The following SHANK2 variants were observed in gnomAD, a reference collection of about 807,000 sequenced individuals.
The protein encoded by SHANK2 is SH3 and multiple ankyrin repeat domains 2, also known as SH3 and multiple ankyrin repeat domains protein 2.
Under a neutral mutation model 133.7 loss-of-function variants are expected in SHANK2, and 43 were observed. That is an observed-to-expected ratio of 0.32 (90% CI 0.25 to 0.41). The LOEUF (loss-of-function observed/expected upper bound fraction) is 0.41. Among genes scored for constraint, SHANK2 ranks in the 10% least tolerant of loss-of-function variants. SHANK2 has a pLI of 1.00. For synonymous variants in SHANK2, 1,017 were observed against 952.8 expected, an observed-to-expected ratio of 1.07 and a Z score of -1.24; for missense variants, 1,994 against 2,235.8, an observed-to-expected ratio of 0.89 and a Z score of 2.18.
intron 3 of SHANK2, among the ~76,000 whole-genome samples, chr11:71,136,567 TTACCTC>T (rs1555104810): frequency 6.6e-6 from 1 of 152,162 alleles, no homozygotes; most frequent in East Asian, 1.9e-4. Flanking sequence ...AGCCCACACT[TTACCTC>T]TATGCAACAT....
intron 10 of SHANK2, among the ~76,000 whole-genome samples, chr11:70,923,149 G>C (rs1353745059): frequency 3.3e-5 from 5 of 152,206 alleles, no homozygotes; most frequent in African/African-American, 4.8e-5. Context: ...GAAATTTGCA[G>C]TTGCATGGTC....
intron 10 of SHANK2, among the ~76,000 whole-genome samples, chr11:70,902,849 TG>T (rs1212220545): frequency 6.6e-6 from 1 of 152,210 alleles, no homozygotes; most frequent in Non-Finnish European, 1.5e-5. Flanking sequence ...CTGGGGGCTC[TG>T]CCCTTGGCAC....
chr11:70,634,412 A>G (rs1279117505), intron 17 of SHANK2: 2 of 152,250 alleles, frequency 1.3e-5, no homozygotes, highest in African/African-American at 4.8e-5. Context: ...AAAATTTAAA[A>G]CTTTTGTGCA....
At chr11:70,519,960 C>T (rs868919798) in intron 17 of SHANK2, among the ~76,000 whole-genome samples, 5 of 147,212 alleles carry the variant, frequency 3.4e-5, no homozygotes, top group African/African-American at 1.3e-4. Context: ...GTTGCCCAGG[C>T]TGGTCTCAAA....
intron 2 of SHANK2, among the ~76,000 whole-genome samples, chr11:71,206,648 C>T (rs944143460): frequency 6.6e-5 from 10 of 152,108 alleles, no homozygotes; most frequent in African/African-American, 1.9e-4. Context: ...ATAATAAAAA[C>T]GTCAAGGCTG....
At chr11:70,636,857 CATGTGTGAACAT>C (rs1251683253) in intron 17 of SHANK2, among the ~76,000 whole-genome samples, 1 of 151,808 alleles carries the variant, frequency 6.6e-6, no homozygotes, top group Non-Finnish European at 1.5e-5. Flanking sequence ...TGTATGTAAG[CATGTGTGAACAT>C]GTGTGTGCAC....
chr11:70,596,760 T>C (rs1267954392), intron 17 of SHANK2, among the ~76,000 whole-genome samples: 2 of 152,098 alleles, frequency 1.3e-5, no homozygotes, highest in Non-Finnish European at 2.9e-5. Context: ...TCACGGGCAC[T>C]TTGGTGGGGT....
At chr11:70,888,812 A>T (rs1949788344) in intron 11 of SHANK2, among the ~76,000 whole-genome samples, 1 of 146,480 alleles carries the variant, frequency 6.8e-6, no homozygotes, top group African/African-American at 2.7e-5. Flanking sequence ...GGGAGACGCC[A>T]TCTCAAAAAA....
intron 11 of SHANK2, among the ~76,000 whole-genome samples, chr11:70,891,637 A>G (rs1408748635): frequency 6.6e-6 from 1 of 152,166 alleles, no homozygotes; most frequent in Non-Finnish European, 1.5e-5. Flanking sequence ...CCAAGGTCTC[A>G]TAGTTGGAAT....
At chr11:70,594,258 C>T (rs530699119) in intron 17 of SHANK2, among the ~76,000 whole-genome samples, 27 of 152,300 alleles carry the variant, frequency 1.8e-4, no homozygotes, top group South Asian at 1.7e-3. Flanking sequence ...GGATGCTCAG[C>T]GACTTCATGC....
intron 17 of SHANK2, among the ~76,000 whole-genome samples, chr11:70,582,125 C>A (rs1554985617): frequency 6.6e-6 from 1 of 152,210 alleles, no homozygotes; most frequent in Non-Finnish European, 1.5e-5. Flanking sequence ...GCAGACAGAC[C>A]CAGGGCGGAG....
chr11:70,780,562 T>C (rs1217181464), intron 14 of SHANK2, among the ~76,000 whole-genome samples: 1 of 141,386 alleles, frequency 7.1e-6, no homozygotes, highest in Non-Finnish European at 1.5e-5. Context: ...AAAACTGTTT[T>C]TCCCTGGTAA....
At chr11:70,727,932 C>T (rs368165788) in intron 14 of SHANK2, among the ~76,000 whole-genome samples, 1 of 152,162 alleles carries the variant, frequency 6.6e-6, no homozygotes, top group African/African-American at 2.4e-5. Flanking sequence ...ACAAAGGAGG[C>T]GAGAGGTGTT....
intron 3 of SHANK2, among the ~76,000 whole-genome samples, chr11:71,141,197 A>G (rs1168465167): frequency 6.6e-6 from 1 of 152,164 alleles, no homozygotes; most frequent in Non-Finnish European, 1.5e-5. Context: ...CGGGTGTGTT[A>G]TCCTTCAACA....
intron 17 of SHANK2, among the ~76,000 whole-genome samples, chr11:70,555,187 T>G (rs1319533714): frequency 9.9e-5 from 15 of 152,214 alleles, no homozygotes; most frequent in African/African-American, 3.4e-4. Flanking sequence ...TGTCCACTCC[T>G]CCATCTCTCT....
rs541988354 is a variant in SHANK2, at chr11:70,486,872, G to A, written c.3421C>T (p.Leu1141=). The change falls in exon 25 of 26, where the codon CTG becomes TTG. Residue 1141 remains leucine, a synonymous_variant. Coordinates refer to ENST00000601538, the MANE Select transcript of SHANK2 (RefSeq NM_012309.5). This position sits in a 1 kb window ranked among gnomAD's most constrained non-coding sequence, Gnocchi z 8.0. ...GTGGCACTCGGCATGGGGGATGACAGCTGCTCAGCGCTGTCCTCGTCAGCA... is the reference window on the plus strand; with the variant it reads ...GTGGCACTCGGCATGGGGGATGACAACTGCTCAGCGCTGTCCTCGTCAGCA... ...DFADEDSAEQ[L]SSPMPSATPR... The A allele has an allele frequency of 6.2e-6, 10 of 1,612,744 alleles. No homozygotes were observed. The highest frequency in any genetic ancestry group is 8.5e-6 in the Non-Finnish European group (10 of 1,179,930).
intron 10 of SHANK2, among the ~76,000 whole-genome samples, chr11:70,939,853 G>A (rs893088610): frequency 3.9e-5 from 6 of 152,260 alleles, no homozygotes; most frequent in East Asian, 3.9e-4. Flanking sequence ...TGAAGTTAAC[G>A]ATCTTCAGAT....
chr11:70,884,547 G>T (rs1949707569), intron 11 of SHANK2, among the ~76,000 whole-genome samples: 1 of 152,204 alleles, frequency 6.6e-6, no homozygotes, highest in South Asian at 2.1e-4. Context: ...TCTCCCAGCT[G>T]CTGGAGGAGC....
At chr11:70,642,095 C>A (rs2061191566) in intron 17 of SHANK2, among the ~76,000 whole-genome samples, 1 of 152,180 alleles carries the variant, frequency 6.6e-6, no homozygotes, top group Non-Finnish European at 1.5e-5. Flanking sequence ...ACTGGCATTC[C>A]CCTGAGGGAG....
Sources: allele counts gnomAD v4.1 joint callset (sites outside exome capture counted in the v4.1 genomes callset), GRCh38; gene constraint gnomAD v4.1.1; non-coding constraint Gnocchi (gnomAD v3.1); transcripts MANE v1.5; gene names NCBI Gene and HGNC (gene_info 2026-07-23, HGNC 2026-07-21).